The following FRMD5 variants were observed in gnomAD, a reference collection of about 807,000 sequenced individuals.
FRMD5 encodes the protein FERM domain-containing protein 5.
In FRMD5, 20 loss-of-function variants were observed where a neutral mutation model predicts 69.0. The ratio of observed to expected loss-of-function variants is 0.29; its 90% CI spans 0.20 to 0.42. The LOEUF is 0.42. FRMD5 is among the 10% of genes least tolerant of loss of function. The pLI is 1.00. For missense variants in FRMD5, 595 were observed against 708.6 expected, an observed-to-expected ratio of 0.84 and a Z score of 1.82; for synonymous variants, 271 against 260.1, an observed-to-expected ratio of 1.04 and a Z score of -0.40.
chr15:44,065,256 T>C (rs1208951184), intron 1 of FRMD5, among the ~76,000 whole-genome samples: 1 of 152,232 alleles, frequency 6.6e-6, no homozygotes, highest in Non-Finnish European at 1.5e-5. Context: ...TTGGTACTAC[T>C]GAATAATTAT....
chr15:44,021,139 A>G lies in FRMD5; in HGVS notation c.103-96830T>C, dbSNP rs559188997. ...GTCTCTACAAAAAAATACAAAAATT[A>G]GCCAGGTGTGATGGTGTGCATCTGT... On this transcript the variant is annotated intron_variant, in intron 1 of 13. Transcript: ENST00000417257. Among the ~76,000 whole-genome samples the G allele has an allele frequency of 9.9e-5, 15 of 152,256 alleles. No homozygotes were observed. The South Asian group carries it at 3.1e-3, about 32-fold the overall frequency.
chr15:44,087,057 T>C (rs957655211), intron 1 of FRMD5, among the ~76,000 whole-genome samples: 7 of 152,164 alleles, frequency 4.6e-5, no homozygotes, highest in South Asian at 2.1e-4. Flanking sequence ...GTTCATTCTA[T>C]CACCCAGGCT....
At chr15:43,891,106 T>G (rs568978317) in intron 8 of FRMD5, among the ~76,000 whole-genome samples, 1 of 152,316 alleles carries the variant, frequency 6.6e-6, no homozygotes, top group African/African-American at 2.4e-5. Flanking sequence ...CTTGGCAGTC[T>G]GAGGCCCAGG....
intron 1 of FRMD5, among the ~76,000 whole-genome samples, chr15:44,144,242 T>C (rs1472814369): frequency 6.6e-6 from 1 of 152,212 alleles, no homozygotes; most frequent in Admixed American, 6.5e-5. Context: ...AGAGTAGGTA[T>C]TATTTTTATA....
intron 1 of FRMD5, among the ~76,000 whole-genome samples, chr15:44,143,924 C>CAAAA (rs58823511): frequency 0.58 from 53,936 of 92,206 alleles, 17,630 homozygotes; most frequent in Non-Finnish European, 0.72. Flanking sequence ...ACTCTGTCAC[C>CAAAA]AAAAAAAAAA....
intron 1 of FRMD5, among the ~76,000 whole-genome samples, chr15:43,994,066 C>T (rs1240870751): frequency 6.6e-6 from 1 of 152,176 alleles, no homozygotes; most frequent in Non-Finnish European, 1.5e-5. Flanking sequence ...AGAATTTAAT[C>T]CATTTACATT....
chr15:43,934,014 GC>G, intron 1 of FRMD5, among the ~76,000 whole-genome samples: 1 of 152,310 alleles, frequency 6.6e-6, no homozygotes, highest in African/African-American at 2.4e-5. Flanking sequence ...GCTGGAAGGT[GC>G]CCCAGTACCT....
chr15:43,974,810 T>A (rs2090439279), intron 1 of FRMD5, among the ~76,000 whole-genome samples: 1 of 152,260 alleles, frequency 6.6e-6, no homozygotes, highest in Non-Finnish European at 1.5e-5. Flanking sequence ...GCTTCCTTTT[T>A]AATAAAAATG....
chr15:43,884,979 G>A (rs1388281090), intron 11 of FRMD5, 184 bp from the exon 12 acceptor site: 7 of 550,250 alleles, frequency 1.3e-5, no homozygotes, highest in African/African-American at 3.8e-5. Context: ...TGTCATGACA[G>A]CCTATCTGAG....
chr15:43,903,103 C>G (rs2089086128), intron 6 of FRMD5, among the ~76,000 whole-genome samples: 1 of 152,376 alleles, frequency 6.6e-6, no homozygotes, highest in East Asian at 1.9e-4. Flanking sequence ...CCCCTTCCCA[C>G]TGCCTCTTTA....
intron 7 of FRMD5, among the ~76,000 whole-genome samples, chr15:43,896,084 G>T (rs926199320): frequency 6.6e-6 from 1 of 152,168 alleles, no homozygotes; most frequent in Non-Finnish European, 1.5e-5. Context: ...TGAAATCAGT[G>T]CCCACAGGAC....
intron 1 of FRMD5, among the ~76,000 whole-genome samples, chr15:44,095,136 G>A: frequency 6.6e-6 from 1 of 151,738 alleles, no homozygotes; most frequent in Non-Finnish European, 1.5e-5. Context: ...GACCTGATCA[G>A]AATCTCTATG....
At chr15:43,984,227 C>T (rs1889274754) in intron 1 of FRMD5, among the ~76,000 whole-genome samples, 1 of 152,198 alleles carries the variant, frequency 6.6e-6, no homozygotes, top group Non-Finnish European at 1.5e-5. Flanking sequence ...GTCAGCAAAC[C>T]TGAAGGCCAG....
chr15:44,123,482 C>A (rs779663123), intron 1 of FRMD5, among the ~76,000 whole-genome samples: 2 of 152,086 alleles, frequency 1.3e-5, no homozygotes, highest in Non-Finnish European at 2.9e-5. Flanking sequence ...AAAGGAATCA[C>A]CACTTGGGAA....
intron 1 of FRMD5, among the ~76,000 whole-genome samples, chr15:44,031,987 C>T (rs951174905): frequency 6.6e-6 from 1 of 152,086 alleles, no homozygotes; most frequent in Non-Finnish European, 1.5e-5. Flanking sequence ...CAGCATAGTA[C>T]TGGTACTAAA....
At chr15:43,989,939 T>C (rs1321220617) in intron 1 of FRMD5, 1 of 1,142,228 alleles carries the variant, frequency 8.8e-7, no homozygotes, top group Non-Finnish European at 1.3e-6. Flanking sequence ...ATCTTCTCCA[T>C]GTCGTCCCAG....
rs147172189 is a variant in FRMD5, at chr15:43,960,223, G to T, written c.103-35914C>A. On this transcript the variant is annotated intron_variant, in intron 1 of 13. Coordinates refer to ENST00000417257, the MANE Select transcript of FRMD5 (RefSeq NM_032892.5). Reference sequence around the variant, plus strand: ...CCTGCCTCAGCCTCCCAAGTAGCTGGGACTACAGGCGCCCACCACCACACC... The same window carrying T: ...CCTGCCTCAGCCTCCCAAGTAGCTGTGACTACAGGCGCCCACCACCACACC... 2.4e-3 allele frequency among the ~76,000 whole-genome samples: 371 copies of T among 152,194 alleles called. 11 individuals are homozygous for T. The East Asian group carries it at 0.063, about 26-fold the overall frequency.
intron 1 of FRMD5, among the ~76,000 whole-genome samples, chr15:44,045,306 T>A (rs1490315412): frequency 6.6e-6 from 1 of 152,218 alleles, no homozygotes; most frequent in Non-Finnish European, 1.5e-5. Flanking sequence ...ATTTTCCAAT[T>A]TAACCTTAGA....
At chr15:44,064,148 C>T (rs537548047) in intron 1 of FRMD5, 7 of 217,664 alleles carry the variant, frequency 3.2e-5, no homozygotes, top group African/African-American at 1.2e-4. Context: ...TCTACTGGCA[C>T]TGACAAGGCT....
Sources: allele counts gnomAD v4.1 joint callset (sites outside exome capture counted in the v4.1 genomes callset), GRCh38; gene constraint gnomAD v4.1.1; transcripts MANE v1.5; gene names NCBI Gene and HGNC (gene_info 2026-07-23, HGNC 2026-07-21).